Variants in ARHGEF6 observed in about 807,000 individuals in gnomAD.
ARHGEF6 encodes the protein Rac/Cdc42 guanine nucleotide exchange factor 6.
Under a neutral mutation model 70.3 loss-of-function variants are expected in ARHGEF6, and 9 were observed. That is an observed-to-expected ratio of 0.13 (90% CI 0.08 to 0.22). ARHGEF6 has a LOEUF of 0.22. ARHGEF6 is among the 10% of genes least tolerant of loss of function. The pLI, the probability that ARHGEF6 is intolerant of heterozygous loss-of-function variation, is 1.00. For synonymous variants in ARHGEF6, 201 were observed against 207.8 expected (o/e 0.97, Z 0.28); for missense variants, 470 against 563.0 (o/e 0.83, Z 1.67).
intron 11 of ARHGEF6, among the ~76,000 whole-genome samples, chrX:136,687,372 A>G (rs993431658): frequency 8.9e-6 from 1 of 112,374 alleles, no homozygotes; most frequent in African/African-American, 3.2e-5. Context: ...AATGGCACCA[A>G]GTGGTTTTAT....
At chrX:136,775,250 A>T (rs1005644509) in intron 2 of ARHGEF6, among the ~76,000 whole-genome samples, 1 of 111,400 alleles carries the variant, frequency 9.0e-6, no homozygotes. Context: ...CAAAAAAAGA[A>T]AACTACAGAC....
chrX:136,757,607 A>G (rs2077220664), intron 2 of ARHGEF6, among the ~76,000 whole-genome samples: 2 of 110,597 alleles, frequency 1.8e-5, no homozygotes, highest in Non-Finnish European at 3.8e-5. Flanking sequence ...CCCAATCCAA[A>G]TCACTCCCTT....
intron 9 of ARHGEF6, among the ~76,000 whole-genome samples, chrX:136,694,489 G>A (rs1308173169): frequency 8.9e-6 from 1 of 111,776 alleles, no homozygotes; most frequent in Non-Finnish European, 1.9e-5. Context: ...CAACTTTTTG[G>A]GGGGTTTCTC....
At chrX:136,711,902 T>C (rs1405774024) in intron 7 of ARHGEF6, among the ~76,000 whole-genome samples, 2 of 112,374 alleles carry the variant, frequency 1.8e-5, no homozygotes, top group Non-Finnish European at 3.8e-5. Flanking sequence ...TTGTTGATCA[T>C]GTTTAAACTC....
Position 136,682,781 on chromosome X carries a change from G to A in ARHGEF6, c.1456C>T (p.Arg486Trp), listed in dbSNP as rs1266145678. 4 of 1,208,171 alleles carry A rather than the reference G, an allele frequency of 3.3e-6. No homozygotes were observed. Among genetic ancestry groups the A allele is most frequent in the East Asian group, 3.0e-5 (1 of 33,780 alleles). ...NVLIMLSASP[R>W]MSGFIYQGKI... ...ACCTGATAGATAAAGCCACTCATCC[G>A]AGGACTTGCAGATAACATTATCAGG... The change falls in exon 13 of 22, where the codon CGG becomes TGG. Residue 486 changes from arginine (R) to tryptophan (W), a missense_variant. This residue lies in a region of ARHGEF6 where 379 missense variants were observed against 449.3 expected (regional missense o/e 0.84). Transcript: ENST00000250617.
At position 136,747,499 on chromosome X, in the gene ARHGEF6, C is replaced by T. The variant is rs1347941825; in HGVS notation, c.334+9G>A. On this transcript the variant is annotated intron_variant, in intron 3 of 21. Transcript: ENST00000250617. ...CACCCAGAACATATAAATCACAAGC[C>T]CGGCTTACCTTCTGTTGCTTTGTTG... 2.5e-6 allele frequency: 3 copies of T among 1,204,131 alleles called. No individual in the cohort carries two copies. The highest frequency in any genetic ancestry group is 3.0e-5 in the East Asian group (1 of 33,737).
At position 136,671,334 on chromosome X, in the gene ARHGEF6, A is replaced by G. The variant is rs1025209626; in HGVS notation, c.2135+686T>C. Among the ~76,000 whole-genome samples, 7 of 112,176 alleles carry G rather than the reference A, an allele frequency of 6.2e-5. No individual in the cohort carries two copies. The Admixed American group carries it at 6.6e-4, about 11-fold the overall frequency. On this transcript the variant is annotated intron_variant, in intron 20 of 21. Coordinates refer to ENST00000250617, the MANE Select transcript of ARHGEF6 (RefSeq NM_004840.3). ...ACATCAGATGTAAAATGCATTGACA[A>G]TGCCAAGCACCTTGAAATATGCTGT...
intron 11 of ARHGEF6, 48 bp downstream of exon 11, chrX:136,687,884 G>T (rs779810092): frequency 2.8e-6 from 3 of 1,068,777 alleles, no homozygotes; most frequent in Admixed American, 2.2e-5. Context: ...GCTCTTTCAG[G>T]AATAAAGTAT....
At chrX:136,752,045 T>G (rs908278465) in intron 2 of ARHGEF6, among the ~76,000 whole-genome samples, 1 of 111,464 alleles carries the variant, frequency 9.0e-6, no homozygotes, top group African/African-American at 3.3e-5. Flanking sequence ...TAGCCCTGCA[T>G]GTACACCTTA....
At chrX:136,680,566 C>A (rs1343022984) in intron 15 of ARHGEF6, among the ~76,000 whole-genome samples, 165 bp downstream of exon 15, 1 of 112,201 alleles carries the variant, frequency 8.9e-6, no homozygotes, top group Non-Finnish European at 1.9e-5. Context: ...GGATGGGCCT[C>A]ATAATGAGAA....
chrX:136,684,899 G>A (rs1164565629), intron 12 of ARHGEF6, among the ~76,000 whole-genome samples: 1 of 111,580 alleles, frequency 9.0e-6, no homozygotes, highest in African/African-American at 3.3e-5. Context: ...CAGTTCATTT[G>A]ACATATATAG....
intron 7 of ARHGEF6, among the ~76,000 whole-genome samples, chrX:136,712,058 AT>A (rs1031050865): frequency 2.7e-5 from 3 of 111,473 alleles, no homozygotes; most frequent in African/African-American, 9.8e-5. Context: ...TTCTCACAAT[AT>A]TTTTTCTTTT....
At chrX:136,767,030 G>C in intron 2 of ARHGEF6, 1 of 677,951 alleles carries the variant, frequency 1.5e-6, no homozygotes, top group Non-Finnish European at 1.8e-6. Flanking sequence ...GGGGCTGCGA[G>C]CCACGGCAGT....
intron 9 of ARHGEF6, among the ~76,000 whole-genome samples, chrX:136,700,517 A>C (rs1454020817): frequency 1.8e-5 from 2 of 109,925 alleles, no homozygotes; most frequent in East Asian, 5.6e-4. Context: ...ACAGTGAGAC[A>C]AAAAAAAAGA....
In ARHGEF6 at chrX:136,767,015, C is replaced by T. The variant is rs754107224; in HGVS notation, c.249+12399G>A. ...AGGCCCTGGCAGAGAACGGACCCCG[C>T]AGCTGGGGCTGCGAGCCACGGCAGT... On this transcript the variant is annotated intron_variant, in intron 2 of 21. Coordinates refer to ENST00000250617, the MANE Select transcript of ARHGEF6 (RefSeq NM_004840.3). 1.5e-5 allele frequency: 9 copies of T among 619,068 alleles called. No homozygotes were observed. In the African/African-American group the frequency reaches 2.2e-4, roughly 15 times the overall value. 51.0% of individuals were successfully genotyped at this position (619,068 alleles called of 1,213,427 possible).
intron 7 of ARHGEF6, among the ~76,000 whole-genome samples, chrX:136,712,440 T>G (rs933507027): frequency 8.9e-6 from 1 of 112,556 alleles, no homozygotes; most frequent in Non-Finnish European, 1.9e-5. Context: ...ATTAACTTAT[T>G]TAAGTTTGAA....
At chrX:136,743,392 T>C (rs2077065019) in intron 5 of ARHGEF6, among the ~76,000 whole-genome samples, 193 bp downstream of exon 5, 2 of 112,402 alleles carry the variant, frequency 1.8e-5, no homozygotes, top group Admixed American at 9.4e-5. Flanking sequence ...GCTGCCTTAA[T>C]GTAATCTAAA....
intron 1 of ARHGEF6, among the ~76,000 whole-genome samples, chrX:136,779,918 C>T (rs1361012952): frequency 8.9e-6 from 1 of 112,020 alleles, no homozygotes; most frequent in African/African-American, 3.2e-5. Flanking sequence ...CATTTTATCA[C>T]TATTTAATCA....
chrX:136,686,594 G>GTATATATATATATATATATATATACACA (rs2076390187), intron 11 of ARHGEF6, among the ~76,000 whole-genome samples: 1 of 57,146 alleles, frequency 1.7e-5, no homozygotes, highest in Non-Finnish European at 3.1e-5. Flanking sequence ...GTATGTGTGT[G>GTATATATATATATATATATATATACACA]TATATATATA....
Sources: gnomAD v4.1 joint callset for allele counts (sites outside exome capture counted in the v4.1 genomes callset) on GRCh38, gnomAD v4.1.1 for gene constraint, gnomAD v4.1.1 regional missense constraint, MANE v1.5 for transcripts, NCBI Gene and HGNC (gene_info 2026-07-23, HGNC 2026-07-21) for gene names.